Variants in SPTB observed in about 807,000 individuals in gnomAD.
SPTB encodes the protein spectrin beta, erythrocytic.
Under a neutral mutation model 256.2 loss-of-function variants are expected in SPTB, and 45 were observed. That is an observed-to-expected ratio of 0.18 (90% confidence interval 0.14 to 0.23). SPTB has a LOEUF of 0.23. SPTB is among the 10% of genes least tolerant of loss of function. SPTB has a pLI of 1.00. For missense variants in SPTB, 2,715 were observed against 3,040.4 expected, an observed-to-expected ratio of 0.89 and a Z score of 2.52; for synonymous variants, 1,231 against 1,243.1, an observed-to-expected ratio of 0.99 and a Z score of 0.21.
intron 20 of SPTB, among the ~76,000 whole-genome samples, 167 bp from the exon 21 acceptor site, chr14:64,780,098 C>CTGTT (rs1566752668): frequency 6.6e-6 from 1 of 152,132 alleles, no homozygotes; most frequent in Non-Finnish European, 1.5e-5. Context: ...TTCTGAGTGC[C>CTGTT]TGTTTTGTTT....
At chr14:64,787,278 A>G in intron 15 of SPTB, 118 bp from the exon 16 acceptor site, 1 of 1,354,576 alleles carries the variant, frequency 7.4e-7, no homozygotes, top group African/African-American at 1.5e-5. Flanking sequence ...CAGACTTTGT[A>G]TGATAAAAAG....
At chr14:64,767,394 G>T (rs2082202435) in intron 30 of SPTB, 42 bp from the exon 31 acceptor site, 1 of 1,613,088 alleles carries the variant, frequency 6.2e-7, no homozygotes. Flanking sequence ...AGCCACAGAG[G>T]CGAGTTGTGT....
intron 2 of SPTB, 116 bp downstream of exon 2, chr14:64,822,831 A>C: frequency 6.7e-7 from 1 of 1,493,920 alleles, no homozygotes; most frequent in African/African-American, 1.4e-5. Flanking sequence ...ACACGTCTCC[A>C]TCACTGCCAT....
chr14:64,759,388 G>A lies in SPTB; in HGVS notation c.6346-5595C>T, dbSNP rs776188443. On this transcript the variant is annotated intron_variant, in intron 32 of 35. Coordinates refer to ENST00000644917, the MANE Select transcript of SPTB (RefSeq NM_001355436.2). This position sits in a 1 kb window ranked among gnomAD's most constrained non-coding sequence, Gnocchi z 4.8. The stretch of plus-strand genomic sequence containing the variant: ...CCATCAAGGACCTCCCAGCTCACCA[G>A]CTGAACCATCCACCCATGCCAACCG... Among the ~76,000 whole-genome samples, 1 of 152,334 alleles carries A rather than the reference G, an allele frequency of 6.6e-6. No homozygotes were observed. The highest frequency in any genetic ancestry group is 1.9e-4 in the East Asian group (1 of 5,190).
At chr14:64,789,871 A>G (rs868080402) in intron 15 of SPTB, among the ~76,000 whole-genome samples, 2 of 152,166 alleles carry the variant, frequency 1.3e-5, no homozygotes, top group Admixed American at 6.5e-5. Context: ...GATTTGGAAT[A>G]TGTAGAGGGA....
Position 64,866,838 on chromosome 14 carries a change from A to C in SPTB, c.-52+12954T>G, listed in dbSNP as rs1377997050. ...AATAAACAGATTAACTGTACCCAGA[A>C]AAATAAAACCTCTATACAGGAATTT... On this transcript the variant is annotated intron_variant, in intron 1 of 35. Coordinates refer to ENST00000644917, the MANE Select transcript of SPTB (RefSeq NM_001355436.2). The surrounding 1 kb of genome is among the most constrained non-coding windows in gnomAD (Gnocchi z 4.6). Among the ~76,000 whole-genome samples the C allele has an allele frequency of 1.3e-5, 2 of 152,230 alleles. No individual in the cohort carries two copies. Among genetic ancestry groups the C allele is most frequent in the African/African-American group, 4.8e-5 (2 of 41,460 alleles).
intron 1 of SPTB, among the ~76,000 whole-genome samples, chr14:64,862,338 C>T (rs534449296): frequency 2.6e-5 from 4 of 152,182 alleles, no homozygotes; most frequent in African/African-American, 9.6e-5. Flanking sequence ...TTTTAAGAAC[C>T]TGCAAAAATG....
intron 1 of SPTB, among the ~76,000 whole-genome samples, chr14:64,839,764 T>C (rs1028857500): frequency 6.6e-6 from 1 of 152,220 alleles, no homozygotes; most frequent in African/African-American, 2.4e-5. Context: ...TATAATGGAA[T>C]TTTATGAATT....
chr14:64,802,988 T>G lies in SPTB; in HGVS notation c.474+619A>C, dbSNP rs369408740. On this transcript the variant is annotated intron_variant, in intron 4 of 35. Transcript: ENST00000644917. The surrounding 1 kb of genome is among the most constrained non-coding windows in gnomAD (Gnocchi z 5.1). ...TTCTCCCCAACTCTGCTGCTATTGT[T>G]GTTCAATGTTATGCACCCATGGAGA... Among the ~76,000 whole-genome samples, 4 of 152,168 alleles carry G rather than the reference T, an allele frequency of 2.6e-5. No individual in the cohort carries two copies. Among genetic ancestry groups the G allele is most frequent in the African/African-American group, 9.7e-5 (4 of 41,432 alleles).
intron 27 of SPTB, 150 bp downstream of exon 27, chr14:64,770,735 G>A: frequency 8.0e-7 from 1 of 1,246,488 alleles, no homozygotes. Context: ...CCTCGATCCA[G>A]CCTCAGGCCT....
At chr14:64,754,419 G>C in intron 32 of SPTB, 1 of 167,056 alleles carries the variant, frequency 6.0e-6, no homozygotes. Context: ...GGAACTTTTT[G>C]GACAGGGCAG....
chr14:64,806,689 C>T lies in SPTB; in HGVS notation c.149-1599G>A, dbSNP rs907999287. On this transcript the variant is annotated intron_variant, in intron 2 of 35. Coordinates refer to ENST00000644917, the MANE Select transcript of SPTB (RefSeq NM_001355436.2). This position sits in a 1 kb window ranked among gnomAD's most constrained non-coding sequence, Gnocchi z 4.1. ...ATTGAGCAAATATTTACCGTACAAC[C>T]GTCAGGTGCCAGGCCCTGGGTGGTG... Among the ~76,000 whole-genome samples the T allele has an allele frequency of 6.6e-6, 1 of 152,236 alleles. No homozygotes were observed. The highest frequency in any genetic ancestry group is 1.5e-5 in the Non-Finnish European group (1 of 68,020).
chr14:64,759,344 G>A lies in SPTB; in HGVS notation c.6346-5551C>T, dbSNP rs777716542. ...CCTGTGGCCCTGTTGGATCAGTCCT[G>A]CCTCTTTCTAGGCCAGATCCATCAA... On this transcript the variant is annotated intron_variant, in intron 32 of 35. Transcript: ENST00000644917. The surrounding 1 kb of genome is among the most constrained non-coding windows in gnomAD (Gnocchi z 4.8). Among the ~76,000 whole-genome samples, 8 of 152,228 alleles carry A rather than the reference G, an allele frequency of 5.3e-5. No homozygotes were observed. Among genetic ancestry groups the A allele is most frequent in the Non-Finnish European group, 1.0e-4 (7 of 68,034 alleles).
intron 1 of SPTB, among the ~76,000 whole-genome samples, chr14:64,869,548 A>C (rs1882398291): frequency 6.6e-6 from 1 of 150,870 alleles, no homozygotes; most frequent in Non-Finnish European, 1.5e-5. Context: ...GGGCTCAAGC[A>C]ATCCTCTGGC....
intron 1 of SPTB, among the ~76,000 whole-genome samples, chr14:64,851,844 C>A (rs1274350772): frequency 1.5e-4 from 22 of 150,796 alleles, no homozygotes; most frequent in Admixed American, 1.5e-3. Context: ...AAGGGAACAA[C>A]ACGCACTAGG....
chr14:64,813,833 C>T (rs1381081741), intron 2 of SPTB, among the ~76,000 whole-genome samples: 2 of 152,188 alleles, frequency 1.3e-5, no homozygotes, highest in Non-Finnish European at 2.9e-5. Flanking sequence ...GCCAAGTGAG[C>T]CATACTTTAA....
chr14:64,846,049 T>C (rs2139763639), intron 1 of SPTB, among the ~76,000 whole-genome samples: 1 of 152,272 alleles, frequency 6.6e-6, no homozygotes, highest in Admixed American at 6.5e-5. Flanking sequence ...AGTGAAACAC[T>C]AGAAGCTACA....
intron 1 of SPTB, among the ~76,000 whole-genome samples, chr14:64,843,723 G>A (rs1177537869): frequency 6.6e-6 from 1 of 152,220 alleles, no homozygotes; most frequent in Non-Finnish European, 1.5e-5. Context: ...AAGAGTGGGT[G>A]TGAACAGACG....
intron 6 of SPTB, 25 bp downstream of exon 6, chr14:64,801,729 C>T (rs1383053081): frequency 1.2e-6 from 2 of 1,608,798 alleles, no homozygotes; most frequent in Non-Finnish European, 1.7e-6. Flanking sequence ...TCAGTCAGTC[C>T]CCACGGCTGT....
Sources: allele counts gnomAD v4.1 joint callset (sites outside exome capture counted in the v4.1 genomes callset), GRCh38; gene constraint gnomAD v4.1.1; non-coding constraint Gnocchi (gnomAD v3.1); transcripts MANE v1.5; gene names NCBI Gene and HGNC (gene_info 2026-07-23, HGNC 2026-07-21).